NTM: variants seen among roughly 807,000 people sequenced by gnomAD.
NTM encodes the protein IgLON family member 2.
A neutral mutation model predicts 42.1 loss-of-function variants in NTM; 13 were observed. The ratio of observed to expected loss-of-function variants is 0.31; its 90% confidence interval spans 0.20 to 0.49. The LOEUF (loss-of-function observed/expected upper bound fraction) is 0.49, where lower values mean the gene tolerates loss of function less well. Among genes scored for constraint, NTM ranks in the 20% least tolerant of loss-of-function variants. NTM has a pLI of 0.99. For missense variants in NTM, 373 were observed against 452.8 expected (o/e 0.82, Z 1.60); for synonymous variants, 187 against 179.2 (o/e 1.04, Z -0.35).
At chr11:132,115,893 A>T (rs569882109) in intron 2 of NTM, among the ~76,000 whole-genome samples, 1 of 152,166 alleles carries the variant, frequency 6.6e-6, no homozygotes, top group African/African-American at 2.4e-5. Flanking sequence ...TCCTTTCTCT[A>T]TTGGGGCAAA....
chr11:131,883,212 T>C (rs916024333), intron 1 of NTM, among the ~76,000 whole-genome samples: 6 of 152,226 alleles, frequency 3.9e-5, no homozygotes, highest in African/African-American at 1.2e-4. Flanking sequence ...ATGCCAATTA[T>C]AGTGCATCTT....
At chr11:132,320,748 A>G (rs1252612421) in intron 7 of NTM, among the ~76,000 whole-genome samples, 2 of 151,844 alleles carry the variant, frequency 1.3e-5, no homozygotes, top group Non-Finnish European at 2.9e-5. Context: ...AAAAGACAGC[A>G]GTAACCTCTG....
intron 1 of NTM, among the ~76,000 whole-genome samples, chr11:131,633,642 TCTCC>T (rs1383225403): frequency 7.2e-6 from 1 of 138,208 alleles, no homozygotes; most frequent in African/African-American, 2.7e-5. Context: ...TCTGCCTCTC[TCTCC>T]CTCTCTCTCC....
At chr11:131,479,278 C>T (rs1953288277) in intron 1 of NTM, among the ~76,000 whole-genome samples, 1 of 152,124 alleles carries the variant, frequency 6.6e-6, no homozygotes, top group African/African-American at 2.4e-5. Context: ...TAGAAGTCTC[C>T]ATACAGGGCA....
chr11:131,617,829 G>A lies in NTM; in HGVS notation c.82+246941G>A, dbSNP rs142839149. Among the ~76,000 whole-genome samples, 242 of 152,272 alleles carry A rather than the reference G, an allele frequency of 1.6e-3. 2 individuals are homozygous for A. Among genetic ancestry groups the A allele is most frequent in the African/African-American group, 5.6e-3 (231 of 41,562 alleles). On this transcript the variant is annotated intron_variant, in intron 1 of 8. Coordinates refer to ENST00000683400, the MANE Select transcript of NTM (RefSeq NM_001352005.2). The stretch of plus-strand genomic sequence containing the variant: ...AAACAGATCACTGCAAAGACAACCA[G>A]AAGCCTTTTGTAGATGATAGGGGTG...
chr11:131,579,585 C>A (rs2058221702), intron 1 of NTM, among the ~76,000 whole-genome samples: 1 of 152,194 alleles, frequency 6.6e-6, no homozygotes, highest in Non-Finnish European at 1.5e-5. Flanking sequence ...AAGCCACGTC[C>A]ATGCATGGGA....
In NTM at chr11:131,666,211, A is replaced by G. The variant is rs113679173; in HGVS notation, c.83-245353A>G. On this transcript the variant is annotated intron_variant, in intron 1 of 8. Coordinates refer to ENST00000683400, the MANE Select transcript of NTM (RefSeq NM_001352005.2). ...GAGTGAGGCCAGCCCTTCACCCTTC[A>G]CCCTGCCTATCACTCCTTTGCTCTC... 9.9e-3 allele frequency among the ~76,000 whole-genome samples: 1,503 copies of G among 152,034 alleles called. 28 individuals are homozygous for G. The highest frequency in any genetic ancestry group is 0.034 in the African/African-American group (1,412 of 41,460).
At chr11:132,111,529 G>A (rs1566190545) in intron 2 of NTM, among the ~76,000 whole-genome samples, 1 of 152,138 alleles carries the variant, frequency 6.6e-6, no homozygotes, top group African/African-American at 2.4e-5. Context: ...GCATCGAGGA[G>A]CTCAAATTCC....
intron 1 of NTM, among the ~76,000 whole-genome samples, chr11:131,501,448 G>A (rs1015719440): frequency 1.3e-5 from 2 of 152,122 alleles, no homozygotes; most frequent in African/African-American, 2.4e-5. Context: ...AATTGCTCCT[G>A]GGCTGGAGCC....
rs566089168 is a variant in NTM, at chr11:131,724,762, G to T, written c.83-186802G>T. ...ATTATAGACCTCAGCTGTCATGCTG[G>T]GGTGCTGGATCTCGGGTGAAGGACA... On this transcript the variant is annotated intron_variant, in intron 1 of 8. Transcript: ENST00000683400. Among the ~76,000 whole-genome samples the T allele has an allele frequency of 1.3e-4, 20 of 152,332 alleles. No individual in the cohort carries two copies. The South Asian group carries it at 3.9e-3, about 30-fold the overall frequency.
intron 1 of NTM, among the ~76,000 whole-genome samples, chr11:131,845,161 T>A (rs915892448): frequency 3.9e-5 from 6 of 152,222 alleles, no homozygotes; most frequent in African/African-American, 9.6e-5. Flanking sequence ...CCATCATGAA[T>A]TTATCATATT....
intron 2 of NTM, among the ~76,000 whole-genome samples, chr11:132,132,293 C>T (rs1475962194): frequency 6.6e-6 from 1 of 152,184 alleles, no homozygotes; most frequent in Admixed American, 6.5e-5. Context: ...GGTCATTGTA[C>T]TTTGAGAGTT....
chr11:132,133,523 G>C (rs191417861), intron 2 of NTM, among the ~76,000 whole-genome samples: 183 of 152,268 alleles, frequency 1.2e-3, no homozygotes, highest in Non-Finnish European at 1.0e-4. Flanking sequence ...AAGTTTAAGG[G>C]GTAAGTTAGA....
At chr11:131,629,680 G>C (rs2063469834) in intron 1 of NTM, among the ~76,000 whole-genome samples, 1 of 152,152 alleles carries the variant, frequency 6.6e-6, no homozygotes, top group Admixed American at 6.5e-5. Flanking sequence ...TTCGAAACGA[G>C]AGTATTTACA....
intron 1 of NTM, among the ~76,000 whole-genome samples, chr11:131,457,928 C>T (rs1056764615): frequency 6.6e-6 from 1 of 152,160 alleles, no homozygotes; most frequent in African/African-American, 2.4e-5. Context: ...AGAAGCCAGA[C>T]ATGCTGACAC....
intron 1 of NTM, among the ~76,000 whole-genome samples, chr11:131,873,031 G>A (rs182952438): frequency 6.6e-6 from 1 of 152,060 alleles, no homozygotes; most frequent in African/African-American, 2.4e-5. Flanking sequence ...TTTAATGATC[G>A]CCATTCTGAC....
At chr11:131,471,082 A>G (rs986830537) in intron 1 of NTM, among the ~76,000 whole-genome samples, 4 of 152,196 alleles carry the variant, frequency 2.6e-5, no homozygotes, top group Non-Finnish European at 5.9e-5. Flanking sequence ...GAATTCCTGA[A>G]CAATCAAATG....
At chr11:132,075,769 C>T (rs907592455) in intron 2 of NTM, among the ~76,000 whole-genome samples, 1 of 152,186 alleles carries the variant, frequency 6.6e-6, no homozygotes, top group Non-Finnish European at 1.5e-5. Flanking sequence ...TAATTCTTTT[C>T]TCTCCCTACC....
intron 1 of NTM, among the ~76,000 whole-genome samples, chr11:131,442,633 C>G (rs954724640): frequency 6.6e-6 from 1 of 152,080 alleles, no homozygotes; most frequent in African/African-American, 2.4e-5. Flanking sequence ...CCATGTGTAC[C>G]CATTGCTTAG....
Sources: allele counts gnomAD v4.1 joint callset (sites outside exome capture counted in the v4.1 genomes callset), GRCh38; gene constraint gnomAD v4.1.1; transcripts MANE v1.5; gene names NCBI Gene and HGNC (gene_info 2026-07-23, HGNC 2026-07-21).